The following HMCN2 variants were observed in gnomAD, a reference collection of about 807,000 sequenced individuals.
HMCN2 encodes hemicentin 2.
Under a neutral mutation model 377.5 loss-of-function variants are expected in HMCN2, and 325 were observed. The ratio of observed to expected loss-of-function variants is 0.86; its 90% confidence interval spans 0.79 to 0.94. The LOEUF is 0.94. Among genes scored for constraint, HMCN2 ranks in the 40% least tolerant of loss-of-function variants. HMCN2 has a pLI of 0.00. For missense variants in HMCN2, 4,543 were observed against 4,725.3 expected (o/e 0.96, Z 1.13); for synonymous variants, 2,007 against 2,046.8 (o/e 0.98, Z 0.53).
intron 22 of HMCN2, among the ~76,000 whole-genome samples, chr9:130,331,579 G>T (rs1027992720): frequency 6.6e-6 from 1 of 152,134 alleles, no homozygotes; most frequent in Non-Finnish European, 1.5e-5. Context: ...ACCCCAGCTC[G>T]CCCGGTGACC....
At chr9:130,279,509 C>T (rs1187717589) in intron 1 of HMCN2, among the ~76,000 whole-genome samples, 4 of 152,012 alleles carry the variant, frequency 2.6e-5, no homozygotes, top group African/African-American at 7.3e-5. Context: ...TGTGCCACCA[C>T]GCCCAGCTAA....
chr9:130,402,728 C>T lies in HMCN2; in HGVS notation c.11771-61C>T, dbSNP rs909522660. 1.4e-5 allele frequency: 15 copies of T among 1,094,840 alleles called. No individual in the cohort carries two copies. The Admixed American group carries it at 3.3e-4, about 24-fold the overall frequency. 67.8% of individuals were successfully genotyped at this position (1,094,840 alleles called of 1,614,324 possible). A position where few individuals can be genotyped will look rare whatever the true frequency, so the allele number is the denominator to read the frequency against. ...GACAGAGTGGGGTTGTGTAGGAGCC[C>T]TGCCACCTCCATCCCTGGGGACCTC... On this transcript the variant is annotated intron_variant, in intron 77 of 97. Coordinates refer to ENST00000683500, the MANE Select transcript of HMCN2 (RefSeq NM_001291815.2).
chr9:130,311,779 G>A (rs1837253263), intron 15 of HMCN2, among the ~76,000 whole-genome samples: 1 of 152,148 alleles, frequency 6.6e-6, no homozygotes, highest in Non-Finnish European at 1.5e-5. Context: ...GCAGCAGGAC[G>A]GCTGCCACCT....
chr9:130,305,748 G>C (rs1371513700), intron 11 of HMCN2, among the ~76,000 whole-genome samples: 3 of 152,164 alleles, frequency 2.0e-5, no homozygotes, highest in Non-Finnish European at 4.4e-5. Flanking sequence ...CTAAGCTTGG[G>C]GCCAATAGTA....
chr9:130,397,984 CAA>C (rs113975575), intron 74 of HMCN2, among the ~76,000 whole-genome samples: 164 of 143,332 alleles, frequency 1.1e-3, no homozygotes, highest in Non-Finnish European at 1.8e-3. Context: ...CCCATCTCTA[CAA>C]AAAAAAAAAT....
Position 130,394,338 on chromosome 9 carries a change from C to T in HMCN2, c.10502-47C>T. 1 of 1,208,950 alleles carries T rather than the reference C, an allele frequency of 8.3e-7. No individual in the cohort carries two copies. The highest frequency in any genetic ancestry group is 1.1e-6 in the Non-Finnish European group (1 of 918,822). 74.9% of individuals were successfully genotyped at this position (1,208,950 alleles called of 1,614,324 possible). Reference sequence around the variant, plus strand: ...CAGTGTTTTCAAGTGCGGTGCTGTCCCGGAAATGTGTGTCAATTGTGTGTT... The same window carrying T: ...CAGTGTTTTCAAGTGCGGTGCTGTCTCGGAAATGTGTGTCAATTGTGTGTT... On this transcript the variant is annotated intron_variant, in intron 68 of 97. Coordinates refer to ENST00000683500, the MANE Select transcript of HMCN2 (RefSeq NM_001291815.2). This position sits in a 1 kb window ranked among gnomAD's most constrained non-coding sequence, Gnocchi z 5.1.
Position 130,355,733 on chromosome 9 carries a change from G to A in HMCN2, c.5147-13G>A. ...CTCAGCTCCAAACACCCAGGAGTGT[G>A]TTCTGCCTGCAGTGCCCCCACAGCT... On this transcript the variant is annotated splice_polypyrimidine_tract_variant and intron_variant, in intron 32 of 97. Transcript: ENST00000683500. 1.5e-6 allele frequency: 2 copies of A among 1,295,224 alleles called. No homozygotes were observed. The highest frequency in any genetic ancestry group is 2.0e-6 in the Non-Finnish European group (2 of 981,856). The allele number at this position is 1,295,224 out of a possible 1,614,324, so 80.2% of individuals were successfully genotyped here.
At chr9:130,313,457 C>T (rs902372484) in intron 15 of HMCN2, among the ~76,000 whole-genome samples, 7 of 152,220 alleles carry the variant, frequency 4.6e-5, no homozygotes, top group Non-Finnish European at 7.3e-5. Flanking sequence ...TATTTGCCTG[C>T]ATTATTTGCC....
Position 130,391,031 on chromosome 9 carries a change from G to A in HMCN2, c.9578G>A (p.Arg3193His), listed in dbSNP as rs1301464973. The A allele has an allele frequency of 5.4e-5, 53 of 987,724 alleles. No homozygotes were observed. Among genetic ancestry groups the A allele is most frequent in the Non-Finnish European group, 5.9e-5 (49 of 830,270 alleles). 61.2% of individuals were successfully genotyped at this position (987,724 alleles called of 1,614,324 possible). Residue 3193 changes from arginine (R) to histidine (H), a missense_variant, in exon 63 of 98, where the codon CGC becomes CAC. Transcript: ENST00000683500. ...VSRGGRLQLSRLQPAQAGTYT... is the reference protein window; with the variant it reads ...VSRGGRLQLSHLQPAQAGTYT... ...CGGGGGGGCCGCCTCCAGCTGAGCC[G>A]CCTGCAACCGGCCCAGGCGGGCACC...
In HMCN2 at chr9:130,397,604, G is replaced by A; in HGVS notation, c.11275G>A (p.Ala3759Thr). Residue 3759 changes from alanine to threonine, a missense_variant, in exon 74 of 98, where the codon GCA becomes ACA. This residue lies in a region of HMCN2 where 1,073 missense variants were observed against 1,319.5 expected (regional missense o/e 0.81). Transcript: ENST00000683500. ...AQDAGHYLCL[A>T]SNSAGSDRQG... ...GGACGCCGGCCACTACCTCTGCCTG[G>A]CATCCAACTCTGCTGGCTCCGATCG... is the stretch of plus-strand genomic sequence containing the variant. The A allele has an allele frequency of 7.8e-7, 1 of 1,289,832 alleles. No homozygotes were observed. Among genetic ancestry groups the A allele is most frequent in the Non-Finnish European group, 1.0e-6 (1 of 988,882 alleles). 79.9% of individuals were successfully genotyped at this position (1,289,832 alleles called of 1,614,324 possible).
In HMCN2 at chr9:130,398,724, T is replaced by C. The variant is rs770421310; in HGVS notation, c.11483+17T>C. ...CGCCTACCGGTAACGAGCTGGACTT[T>C]GCGGTGGCTTCCTGAGACGCACAGG... On this transcript the variant is annotated intron_variant, in intron 75 of 97. Coordinates refer to ENST00000683500, the MANE Select transcript of HMCN2 (RefSeq NM_001291815.2). 9 of 1,287,260 alleles carry C rather than the reference T, an allele frequency of 7.0e-6. No individual in the cohort carries two copies. In the South Asian group the frequency reaches 9.9e-5, roughly 14 times the overall value. 79.7% of individuals were successfully genotyped at this position (1,287,260 alleles called of 1,614,324 possible).
chr9:130,290,604 G>C (rs1396244848), intron 4 of HMCN2, among the ~76,000 whole-genome samples: 1 of 152,058 alleles, frequency 6.6e-6, no homozygotes, highest in Non-Finnish European at 1.5e-5. Flanking sequence ...GGGCTTCTGT[G>C]GGCCTCTCCA....
chr9:130,431,411 C>T lies in HMCN2; in HGVS notation c.14692C>T (p.Arg4898Cys), dbSNP rs189955406. The stretch of plus-strand genomic sequence containing the variant: ...GAGGAACCTGTGTCAGCACGCCTGC[C>T]GCAACACTGAGGGCAGCTACCAGTG... ...RVRNLCQHAC[R>C]NTEGSYQCLC... Residue 4898 changes from arginine to cysteine, a missense_variant, in exon 96 of 98, where the codon CGC (arginine) becomes TGC (cysteine). By Grantham distance (180) the Arg-to-Cys change is radical. Transcript: ENST00000683500. 75 of 1,550,244 alleles carry T rather than the reference C, an allele frequency of 4.8e-5. No individual in the cohort carries two copies. Among genetic ancestry groups the T allele is most frequent in the South Asian group, 9.5e-5 (8 of 84,056 alleles).
rs1055682868 is a variant in HMCN2 at position 130,363,004 on chromosome 9, T to G, written c.6232+14T>G. ...TGCAAGTCCACAGTGAGTCTCAGAC[T>G]GGGAAAGCCATGTGGTTCAGAGCAG... On this transcript the variant is annotated intron_variant, in intron 40 of 97. Transcript: ENST00000683500. The G allele has an allele frequency of 2.0e-6, 2 of 985,354 alleles. No homozygotes were observed. The highest frequency in any genetic ancestry group is 2.4e-6 in the Non-Finnish European group (2 of 829,848). 61.0% of individuals were successfully genotyped at this position (985,354 alleles called of 1,614,324 possible). A position where few individuals can be genotyped will look rare whatever the true frequency, so the allele number is the denominator to read the frequency against.
intron 30 of HMCN2, among the ~76,000 whole-genome samples, chr9:130,352,078 C>T (rs1839756772): frequency 6.6e-6 from 1 of 152,216 alleles, no homozygotes; most frequent in African/African-American, 2.4e-5. Context: ...TCCCAAAGTG[C>T]TGGGATTACA....
At chr9:130,411,136 G>A (rs993546504) in intron 85 of HMCN2, among the ~76,000 whole-genome samples, 1 of 151,802 alleles carries the variant, frequency 6.6e-6, no homozygotes, top group Non-Finnish European at 1.5e-5. Context: ...GGACAGTGCC[G>A]GCTCCCAGCC....
At chr9:130,412,723 C>T (rs935356615) in intron 85 of HMCN2, among the ~76,000 whole-genome samples, 28 of 152,078 alleles carry the variant, frequency 1.8e-4, no homozygotes, top group Admixed American at 1.6e-3. Context: ...ATTACAGGCA[C>T]GCACCACCAC....
intron 1 of HMCN2, among the ~76,000 whole-genome samples, chr9:130,275,307 G>A (rs1330552826): frequency 6.6e-6 from 1 of 152,214 alleles, no homozygotes; most frequent in African/African-American, 2.4e-5. Context: ...GGTCAGAGGT[G>A]AGGATGCAGG....
In HMCN2 at chr9:130,349,100, C is replaced by G; in HGVS notation, c.4272C>G (p.Thr1424=). ...YSCRAENQAG[T]AQRDFHLLVL... ...GCCGGGCAGAGAACCAGGCTGGCAC[C>G]GCCCAGAGGGACTTCCATCTCCTTG... The change falls in exon 28 of 98, where the codon ACC becomes ACG. Residue 1424 remains threonine, a synonymous_variant. Transcript: ENST00000683500. 7.7e-7 allele frequency: 1 copy of G among 1,304,186 alleles called. No individual in the cohort carries two copies. Among genetic ancestry groups the G allele is most frequent in the South Asian group, 1.2e-5 (1 of 81,020 alleles). 80.8% of individuals were successfully genotyped at this position (1,304,186 alleles called of 1,614,324 possible).
Sources: allele counts gnomAD v4.1 joint callset (sites outside exome capture counted in the v4.1 genomes callset), GRCh38; gene constraint gnomAD v4.1.1; regional missense constraint gnomAD v4.1.1; non-coding constraint Gnocchi (gnomAD v3.1); transcripts MANE v1.5; gene names NCBI Gene and HGNC (gene_info 2026-07-23, HGNC 2026-07-21).